The following GATAD2A variants were observed in gnomAD, a reference collection of about 807,000 sequenced individuals.
The protein encoded by GATAD2A is GATA zinc finger domain containing 2A.
Under a neutral mutation model 68.5 loss-of-function variants are expected in GATAD2A, and 12 were observed. The observed-to-expected ratio is 0.18, with a 90% confidence interval of 0.11 to 0.28. The LOEUF is 0.28. Ranked by LOEUF, GATAD2A falls within the 10% of genes least tolerant of loss-of-function variation. GATAD2A has a pLI of 1.00. For synonymous variants in GATAD2A, 410 were observed against 375.3 expected (o/e 1.09, Z -1.07); for missense variants, 755 against 868.5 (o/e 0.87, Z 1.64).
At chr19:19,505,173 G>C (rs1049023483) in intron 11 of GATAD2A, among the ~76,000 whole-genome samples, 171 bp from the exon 12 acceptor site, 2 of 107,966 alleles carry the variant, frequency 1.9e-5, no homozygotes, top group Admixed American at 1.8e-4. Context: ...CTTCAGCTCT[G>C]GGGGGGCCTG....
At chr19:19,498,139 C>T (rs1385172155) in intron 7 of GATAD2A, among the ~76,000 whole-genome samples, 1 of 152,234 alleles carries the variant, frequency 6.6e-6, no homozygotes, top group Non-Finnish European at 1.5e-5. Flanking sequence ...ACATGGGTGC[C>T]CTCACATTCA....
chr19:19,426,734 G>T (rs960307900), intron 1 of GATAD2A, among the ~76,000 whole-genome samples: 8 of 152,210 alleles, frequency 5.3e-5, no homozygotes, highest in Admixed American at 5.2e-4. Context: ...GGCAGGTCTC[G>T]AACTTCTGGC....
chr19:19,490,312 A>G (rs1465668430), intron 2 of GATAD2A, among the ~76,000 whole-genome samples: 1 of 152,088 alleles, frequency 6.6e-6, no homozygotes, highest in African/African-American at 2.4e-5. Context: ...CCAGGGTAGC[A>G]TTGGTGAAGC....
intron 1 of GATAD2A, among the ~76,000 whole-genome samples, chr19:19,410,357 G>A (rs1328031062): frequency 6.6e-6 from 1 of 151,942 alleles, no homozygotes; most frequent in African/African-American, 2.4e-5. Context: ...GGGGGTGGTG[G>A]GTGGAGTGGT....
rs1175497094 is a variant in GATAD2A, at chr19:19,502,156, ACTCT to A, written c.1578+117_1578+120del. On this transcript the variant is annotated intron_variant, in intron 10 of 11. Transcript: ENST00000683918. ...GTCTGTCTCTCCCTGTTTCTGTTTC[ACTCT>A]CTCCCCTCCCCCACCCCTCTGTGTA... 17 of 907,018 alleles carry A rather than the reference ACTCT, an allele frequency of 1.9e-5. 1 individual carries two copies. The Admixed American group carries it at 3.7e-4, about 20-fold the overall frequency. The allele number at this position is 907,018 out of a possible 1,614,324, so 56.2% of individuals were successfully genotyped here.
At chr19:19,456,255 A>C (rs1045445575) in intron 1 of GATAD2A, among the ~76,000 whole-genome samples, 3 of 152,106 alleles carry the variant, frequency 2.0e-5, no homozygotes, top group East Asian at 1.9e-4. Flanking sequence ...CTGTGAGTAC[A>C]TGAAATAAAA....
chr19:19,387,973 C>T (rs1474481079), intron 1 of GATAD2A, among the ~76,000 whole-genome samples: 2 of 152,084 alleles, frequency 1.3e-5, no homozygotes, highest in African/African-American at 2.4e-5. Flanking sequence ...CTCCCACTTG[C>T]CCTCTTTCTA....
chr19:19,468,988 A>G (rs1171197120), intron 2 of GATAD2A, among the ~76,000 whole-genome samples: 1 of 152,246 alleles, frequency 6.6e-6, no homozygotes, highest in Non-Finnish European at 1.5e-5. Flanking sequence ...TTAGTACAAA[A>G]GATGGGGAAT....
At chr19:19,500,337 G>C (rs1440793446) in intron 8 of GATAD2A, among the ~76,000 whole-genome samples, 2 of 152,192 alleles carry the variant, frequency 1.3e-5, no homozygotes, top group African/African-American at 4.8e-5. Context: ...GGCCAGTCCA[G>C]GCAGGAGAGG....
chr19:19,403,364 C>T (rs2049934834), upstream of GATAD2A, among the ~76,000 whole-genome samples: 2 of 152,120 alleles, frequency 1.3e-5, no homozygotes, highest in South Asian at 4.1e-4. Flanking sequence ...ACCCATCTGA[C>T]CCTGTCTTCC....
intron 1 of GATAD2A, among the ~76,000 whole-genome samples, chr19:19,424,876 G>T (rs1298448471): frequency 6.6e-6 from 1 of 151,968 alleles, no homozygotes; most frequent in Non-Finnish European, 1.5e-5. Context: ...CACTTTGGGA[G>T]GCTGAGGCAG....
At position 19,395,149 on chromosome 19, in the gene GATAD2A, G is replaced by A. The variant is rs374783695; in HGVS notation, c.-7+9011G>A. 4.4e-4 allele frequency among the ~76,000 whole-genome samples: 67 copies of A among 152,270 alleles called. 1 individual carries two copies. The highest frequency in any genetic ancestry group is 1.5e-3 in the African/African-American group (64 of 41,578). ...TACAGGCTGAGTTCTTGGGCTCCAA[G>A]TTGAGCACAGAAAATACGTTCAAGG... On this transcript the variant is annotated intron_variant, in intron 1 of 11. Coordinates refer to the GATAD2A transcript ENST00000360315.
intron 1 of GATAD2A, among the ~76,000 whole-genome samples, chr19:19,412,151 AT>A (rs1395208322): frequency 1.6e-5 from 2 of 128,338 alleles, no homozygotes; most frequent in South Asian, 2.5e-4. Context: ...TTAATTTTTA[AT>A]TTTTTTTTTA....
At chr19:19,482,382 C>T (rs907528657) in intron 2 of GATAD2A, among the ~76,000 whole-genome samples, 15 of 152,164 alleles carry the variant, frequency 9.9e-5, no homozygotes, top group African/African-American at 3.6e-4. Context: ...CCATCCTGGG[C>T]AATAGAGGGA....
intron 2 of GATAD2A, among the ~76,000 whole-genome samples, chr19:19,479,838 T>C (rs1167350007): frequency 6.8e-6 from 1 of 146,316 alleles, no homozygotes; most frequent in Non-Finnish European, 1.5e-5. Context: ...ACTCTTTTTT[T>C]TTTTTTTTTT....
chr19:19,456,122 C>G (rs975393082), intron 1 of GATAD2A, among the ~76,000 whole-genome samples: 10 of 149,014 alleles, frequency 6.7e-5, no homozygotes, highest in Non-Finnish European at 1.3e-4. Flanking sequence ...CCACTGCACT[C>G]CAGCCTGAGC....
At chr19:19,404,597 C>T (rs2050022762), upstream of GATAD2A, among the ~76,000 whole-genome samples, 1 of 151,990 alleles carries the variant, frequency 6.6e-6, no homozygotes, top group Non-Finnish European at 1.5e-5. Context: ...CAGGGGAATC[C>T]GTGAACCTGG....
intron 8 of GATAD2A, among the ~76,000 whole-genome samples, chr19:19,499,787 C>T (rs3794991): frequency 0.075 from 11,343 of 152,032 alleles, 441 homozygotes; most frequent in South Asian, 0.11. Flanking sequence ...GCCCCTCAGT[C>T]GCTCTCGTAA....
At chr19:19,395,118 C>A (rs1232767370) in intron 1 of GATAD2A, among the ~76,000 whole-genome samples, 1 of 152,178 alleles carries the variant, frequency 6.6e-6, no homozygotes, top group African/African-American at 2.4e-5. Flanking sequence ...TCCTGTTCTC[C>A]CTCCTTACAG....
Sources: gnomAD v4.1 joint callset for allele counts (sites outside exome capture counted in the v4.1 genomes callset) on GRCh38, gnomAD v4.1.1 for gene constraint, MANE v1.5 for transcripts, NCBI Gene and HGNC (gene_info 2026-07-23, HGNC 2026-07-21) for gene names.